Variants in PDZRN4 observed in about 807,000 individuals in gnomAD.
PDZRN4 encodes the protein PDZ domain containing ring finger 4, also known as PDZ domain-containing RING finger protein 4.
A neutral mutation model predicts 99.0 loss-of-function variants in PDZRN4; 70 were observed. That is an observed-to-expected ratio of 0.71 (90% CI 0.58 to 0.86). The LOEUF (loss-of-function observed/expected upper bound fraction) is 0.86, where lower values mean the gene tolerates loss of function less well. Ranked by LOEUF, PDZRN4 falls within the 40% of genes least tolerant of loss-of-function variation. The pLI, the probability that PDZRN4 is intolerant of heterozygous loss-of-function variation, is 0.00. For missense variants in PDZRN4, 1,474 were observed against 1,331.2 expected, an observed-to-expected ratio of 1.11 and a Z score of -1.67; for synonymous variants, 551 against 501.6, an observed-to-expected ratio of 1.10 and a Z score of -1.32.
intron 3 of PDZRN4, among the ~76,000 whole-genome samples, chr12:41,494,279 A>T (rs1224090715): frequency 3.9e-5 from 6 of 152,146 alleles, no homozygotes; most frequent in Non-Finnish European, 8.8e-5. Flanking sequence ...AAAAATAATT[A>T]ATATGAATGT....
intron 3 of PDZRN4, among the ~76,000 whole-genome samples, chr12:41,277,231 AGTACGCAAGCATCTGAACTTG>A (rs1452575429): frequency 6.6e-6 from 1 of 152,214 alleles, no homozygotes; most frequent in Non-Finnish European, 1.5e-5. Flanking sequence ...CAGATGGCAG[AGTACGCAAGCATCTGAACTTG>A]GGTACTAAAA....
rs930430900 is a variant in PDZRN4, at chr12:41,515,744, C to T, written c.1203+5831C>T. On this transcript the variant is annotated intron_variant, in intron 5 of 9. Coordinates refer to ENST00000402685, the MANE Select transcript of PDZRN4 (RefSeq NM_001164595.2). Reference sequence around the variant, plus strand: ...TCCCTTTGTTTCCAACAATGTTCTACCTTTAGGCTAGTTTTTGGTGTCTTG... The same window carrying T: ...TCCCTTTGTTTCCAACAATGTTCTATCTTTAGGCTAGTTTTTGGTGTCTTG... Among the ~76,000 whole-genome samples, 29 of 152,100 alleles carry T rather than the reference C, an allele frequency of 1.9e-4. 1 individual carries two copies. The highest frequency in any genetic ancestry group is 6.7e-4 in the African/African-American group (28 of 41,516).
chr12:41,552,439 C>T (rs180808815), intron 5 of PDZRN4, among the ~76,000 whole-genome samples: 1 of 151,962 alleles, frequency 6.6e-6, no homozygotes, highest in Non-Finnish European at 1.5e-5. Flanking sequence ...TATCTCCAAA[C>T]TTACAACAAA....
At chr12:41,452,274 CA>C (rs34065905) in intron 3 of PDZRN4, among the ~76,000 whole-genome samples, 60,423 of 135,510 alleles carry the variant, frequency 0.45, 13,060 homozygotes, top group African/African-American at 0.59. Flanking sequence ...CTAAAAAATA[CA>C]AAAAAAAAAA....
chr12:41,347,931 C>T (rs1399785012), intron 3 of PDZRN4, among the ~76,000 whole-genome samples: 1 of 152,024 alleles, frequency 6.6e-6, no homozygotes, highest in African/African-American at 2.4e-5. Flanking sequence ...TTTCCTAAAA[C>T]ATGATGCGAA....
intron 3 of PDZRN4, among the ~76,000 whole-genome samples, chr12:41,327,761 A>G (rs1357898666): frequency 6.6e-6 from 1 of 152,140 alleles, no homozygotes; most frequent in Non-Finnish European, 1.5e-5. Flanking sequence ...TAACTGGGAT[A>G]TAAAATAATG....
rs1310727608 is a variant in PDZRN4, at chr12:41,549,364, C to CAA, written c.1204-3290_1204-3289dup. On this transcript the variant is annotated intron_variant, in intron 5 of 9. Transcript: ENST00000402685. ...TGCTGCAGAATTCCTTTCAGATAAT[C>CAA]AAAGTCTTTATAAAGCCACCTTTGC... 3.3e-5 allele frequency among the ~76,000 whole-genome samples: 5 copies of CAA among 152,268 alleles called. No homozygotes were observed. The East Asian group carries it at 7.7e-4, about 23-fold the overall frequency.
intron 3 of PDZRN4, among the ~76,000 whole-genome samples, chr12:41,463,684 C>T (rs1046609839): frequency 1.3e-5 from 2 of 152,116 alleles, no homozygotes; most frequent in African/African-American, 2.4e-5. Context: ...TGCTGATTCA[C>T]ATAGAAAGGT....
chr12:41,231,335 C>T (rs997819443), intron 3 of PDZRN4, among the ~76,000 whole-genome samples: 1 of 152,032 alleles, frequency 6.6e-6, no homozygotes, highest in African/African-American at 2.4e-5. Flanking sequence ...GCATTAAAAA[C>T]TCATTTGTTG....
At chr12:41,425,330 G>A (rs2120420700) in intron 3 of PDZRN4, among the ~76,000 whole-genome samples, 1 of 151,318 alleles carries the variant, frequency 6.6e-6, no homozygotes, top group South Asian at 2.1e-4. Context: ...GCATTATCTA[G>A]TATGGAAGGT....
At chr12:41,541,658 T>G (rs1938858782) in intron 5 of PDZRN4, among the ~76,000 whole-genome samples, 1 of 150,242 alleles carries the variant, frequency 6.7e-6, no homozygotes, top group Non-Finnish European at 1.5e-5. Context: ...TTTCACCGTG[T>G]TAGCCAGGAT....
At chr12:41,266,329 AAAAAAAT>A (rs1951276382) in intron 3 of PDZRN4, among the ~76,000 whole-genome samples, 2 of 11,246 alleles carry the variant, frequency 1.8e-4, no homozygotes, top group African/African-American at 4.3e-4. Flanking sequence ...AAAAAAAAAA[AAAAAAAT>A]GAGATATTAA....
At chr12:41,434,430 A>C (rs2120448221) in intron 3 of PDZRN4, among the ~76,000 whole-genome samples, 1 of 152,316 alleles carries the variant, frequency 6.6e-6, no homozygotes, top group South Asian at 2.1e-4. Context: ...CACAGTACTT[A>C]GATCCTTGAA....
chr12:41,380,619 C>G (rs1952117780), intron 3 of PDZRN4, among the ~76,000 whole-genome samples: 1 of 152,026 alleles, frequency 6.6e-6, no homozygotes, highest in Admixed American at 6.5e-5. Flanking sequence ...CATAGTTTTA[C>G]TTATTTCCCC....
At chr12:41,270,119 G>C (rs185183288) in intron 3 of PDZRN4, among the ~76,000 whole-genome samples, 3 of 152,232 alleles carry the variant, frequency 2.0e-5, no homozygotes, top group South Asian at 2.1e-4. Flanking sequence ...AGCTATGGCT[G>C]AGTCAGTTAC....
intron 3 of PDZRN4, among the ~76,000 whole-genome samples, chr12:41,494,361 A>G (rs925484117): frequency 6.6e-6 from 1 of 152,072 alleles, no homozygotes; most frequent in African/African-American, 2.4e-5. Flanking sequence ...TAGTTTTTTA[A>G]CCTATAGGAT....
intron 3 of PDZRN4, among the ~76,000 whole-genome samples, chr12:41,246,611 G>A (rs893131010): frequency 2.6e-4 from 40 of 152,052 alleles, no homozygotes; most frequent in African/African-American, 9.7e-4. Context: ...CAAGTTCCTG[G>A]CATTTTGGTG....
intron 3 of PDZRN4, among the ~76,000 whole-genome samples, chr12:41,334,424 T>A (rs2051697170): frequency 6.6e-6 from 1 of 150,814 alleles, no homozygotes; most frequent in Admixed American, 6.6e-5. Context: ...GAAGCCAAAT[T>A]GATGACTGTT....
chr12:41,490,637 G>A (rs905578460), intron 3 of PDZRN4, among the ~76,000 whole-genome samples: 5 of 152,124 alleles, frequency 3.3e-5, no homozygotes, highest in Non-Finnish European at 5.9e-5. Flanking sequence ...CCCCACAGGA[G>A]CACCTCCTCA....
Sources: allele counts gnomAD v4.1 joint callset (sites outside exome capture counted in the v4.1 genomes callset), GRCh38; gene constraint gnomAD v4.1.1; transcripts MANE v1.5; gene names NCBI Gene and HGNC (gene_info 2026-07-23, HGNC 2026-07-21).